The following TRPM3 variants were observed in gnomAD, a reference collection of about 807,000 sequenced individuals.
TRPM3 encodes the protein long transient receptor potential channel 3.
Under a neutral mutation model 181.2 loss-of-function variants are expected in TRPM3, and 77 were observed. That is an observed-to-expected ratio of 0.42 (90% CI 0.35 to 0.51). TRPM3 has a LOEUF of 0.51. TRPM3 is among the 20% of genes least tolerant of loss of function. TRPM3 has a pLI of 0.01. For missense variants in TRPM3, 1,759 were observed against 2,196.7 expected, an observed-to-expected ratio of 0.80 and a Z score of 3.98; for synonymous variants, 745 against 796.4, an observed-to-expected ratio of 0.94 and a Z score of 1.09.
chr9:71,374,656 T>A (rs976741152), intron 1 of TRPM3, among the ~76,000 whole-genome samples: 1 of 152,168 alleles, frequency 6.6e-6, no homozygotes, highest in African/African-American at 2.4e-5. Context: ...GAAGTCAAAT[T>A]GTCATTGTTT....
intron 1 of TRPM3, among the ~76,000 whole-genome samples, chr9:71,043,245 A>G (rs747765747): frequency 2.0e-5 from 3 of 151,938 alleles, no homozygotes; most frequent in Non-Finnish European, 4.4e-5. Flanking sequence ...CTATATTCCA[A>G]CTCTGGTAGT....
At chr9:71,007,818 T>A (rs182106541) in intron 1 of TRPM3, among the ~76,000 whole-genome samples, 2 of 151,980 alleles carry the variant, frequency 1.3e-5, no homozygotes, top group African/African-American at 4.8e-5. Context: ...AATGCCTATA[T>A]CTAAAAAATA....
intron 3 of TRPM3, among the ~76,000 whole-genome samples, chr9:70,856,552 A>G (rs10868915): frequency 0.36 from 55,369 of 151,936 alleles, 10,494 homozygotes; most frequent in Non-Finnish European, 0.39. Context: ...TAAGAGCATA[A>G]GCTTGTAGAT....
chr9:70,804,974 A>G (rs1427468811), intron 6 of TRPM3, among the ~76,000 whole-genome samples: 3 of 152,208 alleles, frequency 2.0e-5, no homozygotes, highest in African/African-American at 7.2e-5. Flanking sequence ...TCTGCTGGCC[A>G]GTGATGCCAG....
intron 9 of TRPM3, among the ~76,000 whole-genome samples, chr9:70,648,206 G>A (rs1171885374): frequency 6.6e-6 from 1 of 152,160 alleles, no homozygotes; most frequent in Admixed American, 6.5e-5. Context: ...CAGGTTTGGT[G>A]GCTTATGCCT....
At chr9:71,006,837 C>T in intron 1 of TRPM3, among the ~76,000 whole-genome samples, 1 of 146,896 alleles carries the variant, frequency 6.8e-6, no homozygotes, top group Non-Finnish European at 1.5e-5. Context: ...CGCCACTGCA[C>T]TCCAGCCTGG....
At chr9:71,328,879 A>G (rs1408141600) in intron 1 of TRPM3, among the ~76,000 whole-genome samples, 1 of 152,248 alleles carries the variant, frequency 6.6e-6, no homozygotes, top group Non-Finnish European at 1.5e-5. Context: ...AAAGCAATGT[A>G]TCCCTATAAC....
Position 71,030,803 on chromosome 9 carries a change from T to C in TRPM3, c.177+90375A>G, listed in dbSNP as rs531881739. Among the ~76,000 whole-genome samples the C allele has an allele frequency of 1.1e-3, 164 of 152,302 alleles. 1 individual carries two copies. The highest frequency in any genetic ancestry group is 3.7e-3 in the African/African-American group (154 of 41,568). ...GTCAATGATATTTGGCAGTTTTACC[T>C]GGGCTACAAAGACTAACTAAATTTA... On this transcript the variant is annotated intron_variant, in intron 1 of 25. Transcript: ENST00000677713.
chr9:70,583,066 C>T (rs534500702), intron 22 of TRPM3, among the ~76,000 whole-genome samples: 1 of 152,180 alleles, frequency 6.6e-6, no homozygotes, highest in South Asian at 2.1e-4. Context: ...TACCCCCCAC[C>T]CCAGGGAACG....
chr9:70,870,159 G>C (rs778188705), intron 1 of TRPM3, among the ~76,000 whole-genome samples: 1 of 151,954 alleles, frequency 6.6e-6, no homozygotes, highest in Non-Finnish European at 1.5e-5. Flanking sequence ...CGCCTAGTAC[G>C]TGTCATGTGG....
intron 1 of TRPM3, among the ~76,000 whole-genome samples, chr9:71,059,445 G>A (rs1348858106): frequency 1.3e-5 from 2 of 152,026 alleles, no homozygotes; most frequent in Non-Finnish European, 2.9e-5. Context: ...CAGAGCAAAT[G>A]TTTCCTGTTT....
chr9:71,312,735 C>A (rs1014093574), intron 1 of TRPM3, among the ~76,000 whole-genome samples: 1 of 151,990 alleles, frequency 6.6e-6, no homozygotes, highest in Non-Finnish European at 1.5e-5. Flanking sequence ...AACTGAGTTA[C>A]CAAACCATAA....
chr9:71,247,329 G>T (rs998520695), intron 1 of TRPM3, among the ~76,000 whole-genome samples: 1 of 141,224 alleles, frequency 7.1e-6, no homozygotes, highest in Non-Finnish European at 1.5e-5. Flanking sequence ...ACTCCAGCCT[G>T]GGTGATAGAG....
rs77055227 is a variant in TRPM3 at position 71,029,941 on chromosome 9, C to T, written c.177+91237G>A. 4.9e-3 allele frequency among the ~76,000 whole-genome samples: 751 copies of T among 152,164 alleles called. 19 individuals carry two copies. In the East Asian group the frequency reaches 0.077, roughly 16 times the overall value. On this transcript the variant is annotated intron_variant, in intron 1 of 25. Transcript: ENST00000677713. ...CCAGTACACAGACTGACCCCTGAGC[C>T]AAAAGGAGCTACTCAAGGGGTCCAA...
intron 1 of TRPM3, among the ~76,000 whole-genome samples, chr9:71,294,231 TAACA>T (rs1303354539): frequency 5.1e-4 from 77 of 152,044 alleles, no homozygotes; most frequent in African/African-American, 1.8e-3. Context: ...GCTGTATATA[TAACA>T]AACAAAACTG....
chr9:71,445,113 AC>A (rs1326867855), intron 1 of TRPM3, among the ~76,000 whole-genome samples: 1 of 152,082 alleles, frequency 6.6e-6, no homozygotes, highest in African/African-American at 2.4e-5. Flanking sequence ...TAGGTAACAA[AC>A]CTGCAATCAT....
At chr9:70,628,177 A>C (rs1004704740) in intron 12 of TRPM3, among the ~76,000 whole-genome samples, 1 of 152,182 alleles carries the variant, frequency 6.6e-6, no homozygotes, top group African/African-American at 2.4e-5. Context: ...AGAGTAGAAG[A>C]GTCTCAGAGA....
At chr9:71,106,629 C>T (rs905233240) in intron 1 of TRPM3, among the ~76,000 whole-genome samples, 8 of 152,124 alleles carry the variant, frequency 5.3e-5, no homozygotes, top group Admixed American at 3.9e-4. Context: ...CTCAGGTATT[C>T]CTTTATAGCA....
intron 1 of TRPM3, among the ~76,000 whole-genome samples, chr9:71,019,777 T>TAA (rs1017123733): frequency 6.6e-6 from 1 of 152,064 alleles, no homozygotes; most frequent in African/African-American, 2.4e-5. Context: ...AAAACAATGA[T>TAA]AAACTAGAAT....
Sources: allele counts gnomAD v4.1 joint callset (sites outside exome capture counted in the v4.1 genomes callset), GRCh38; gene constraint gnomAD v4.1.1; transcripts MANE v1.5; gene names NCBI Gene and HGNC (gene_info 2026-07-23, HGNC 2026-07-21).